CDK13: variants seen among roughly 807,000 people sequenced by gnomAD.
CDK13 encodes cyclin dependent kinase 13, also known as cyclin-dependent kinase 13.
CDK13 carries 40 observed loss-of-function variants against 137.6 expected under a neutral mutation model. The ratio of observed to expected loss-of-function variants is 0.29; its 90% CI spans 0.23 to 0.38. CDK13 has a LOEUF of 0.38. Among genes scored for constraint, CDK13 ranks in the 10% least tolerant of loss-of-function variants. CDK13 has a pLI of 1.00. For synonymous variants in CDK13, 869 were observed against 760.1 expected, an observed-to-expected ratio of 1.14 and a Z score of -2.36; for missense variants, 1,704 against 1,951.8, an observed-to-expected ratio of 0.87 and a Z score of 2.39.
intron 7 of CDK13, among the ~76,000 whole-genome samples, chr7:40,057,249 G>C (rs1197230167): frequency 1.3e-5 from 2 of 151,980 alleles, no homozygotes; most frequent in Admixed American, 1.3e-4. Flanking sequence ...GAGCAAAACT[G>C]TCTCAAAAGA....
At position 39,997,611 on chromosome 7, in the gene CDK13, G is replaced by C. The variant is rs1583966482; in HGVS notation, c.1989G>C (p.Lys663Asn). The C allele has an allele frequency of 9.9e-6, 16 of 1,613,472 alleles. No individual in the cohort carries two copies. Among genetic ancestry groups the C allele is most frequent in the Non-Finnish European group, 1.3e-5 (15 of 1,179,806 alleles). Reference protein sequence around the residue: ...PELPGGDDLSKSPEEKKTATQ... With the variant: ...PELPGGDDLSNSPEEKKTATQ... Reference sequence around the variant, plus strand: ...TACCAGGAGGAGATGATCTTTCAAAGAGTCCAGAGGAAAAGAAAACAGCAA... The same window carrying C: ...TACCAGGAGGAGATGATCTTTCAAACAGTCCAGAGGAAAAGAAAACAGCAA... The change falls in exon 3 of 14, where the codon AAG (lysine) becomes AAC (asparagine). Residue 663 changes from lysine (K) to asparagine (N), a missense_variant. Coordinates refer to ENST00000181839, the MANE Select transcript of CDK13 (RefSeq NM_003718.5).
chr7:40,034,004 T>C (rs976162868), intron 5 of CDK13, among the ~76,000 whole-genome samples: 1 of 152,214 alleles, frequency 6.6e-6, no homozygotes, highest in African/African-American at 2.4e-5. Flanking sequence ...AATTAATTTC[T>C]CTTGAAGTCA....
At chr7:40,014,747 T>C (rs1205419243) in intron 5 of CDK13, among the ~76,000 whole-genome samples, 1 of 152,118 alleles carries the variant, frequency 6.6e-6, no homozygotes, top group Non-Finnish European at 1.5e-5. Flanking sequence ...TGTGCCACTG[T>C]GTCCAGCCCA....
chr7:39,956,109 CAA>C (rs921820637), intron 1 of CDK13, among the ~76,000 whole-genome samples: 5 of 151,568 alleles, frequency 3.3e-5, no homozygotes, highest in African/African-American at 1.2e-4. Context: ...AAAAAAAACT[CAA>C]AAAATATGCC....
chr7:40,050,669 A>G (rs1466321383), intron 7 of CDK13, among the ~76,000 whole-genome samples: 1 of 152,230 alleles, frequency 6.6e-6, no homozygotes, highest in South Asian at 2.1e-4. Flanking sequence ...CTGGGATTAT[A>G]GGCATGAGCC....
chr7:39,962,574 T>G (rs919398877), intron 1 of CDK13, among the ~76,000 whole-genome samples: 1 of 152,180 alleles, frequency 6.6e-6, no homozygotes, highest in South Asian at 2.1e-4. Flanking sequence ...TTCTCCCATT[T>G]TGTAGGTTGC....
chr7:39,960,984 A>G (rs1787600348), intron 1 of CDK13, among the ~76,000 whole-genome samples: 2 of 152,208 alleles, frequency 1.3e-5, no homozygotes, highest in Non-Finnish European at 2.9e-5. Flanking sequence ...CACATCACAT[A>G]CCTATTTTGG....
At chr7:39,982,537 G>A (rs1347127605) in intron 1 of CDK13, among the ~76,000 whole-genome samples, 1 of 151,940 alleles carries the variant, frequency 6.6e-6, no homozygotes, top group Non-Finnish European at 1.5e-5. Context: ...ACCCAGTAAT[G>A]GGATGGCTGG....
intron 5 of CDK13, among the ~76,000 whole-genome samples, chr7:40,010,808 A>G (rs897909644): frequency 1.6e-4 from 25 of 152,204 alleles, no homozygotes; most frequent in Admixed American, 6.5e-4. Flanking sequence ...TGTTAGAACT[A>G]ATAAGTAAGT....
At chr7:40,013,585 G>A (rs1396860471) in intron 5 of CDK13, among the ~76,000 whole-genome samples, 4 of 152,138 alleles carry the variant, frequency 2.6e-5, no homozygotes, top group African/African-American at 7.2e-5. Flanking sequence ...AATATAGATT[G>A]GTGATTGCCA....
At chr7:40,074,149 A>G (rs550684133) in intron 9 of CDK13, among the ~76,000 whole-genome samples, 103 of 152,248 alleles carry the variant, frequency 6.8e-4, no homozygotes, top group Middle Eastern at 3.4e-3. Flanking sequence ...ATCCACCTGC[A>G]TCGGCCTTCC....
chr7:39,997,909 T>C, intron 3 of CDK13: 2 of 382,270 alleles, frequency 5.2e-6, no homozygotes, highest in African/African-American at 2.2e-5. Flanking sequence ...TGGGGTATTG[T>C]ATATGTTAAA....
At chr7:39,963,199 A>G (rs1052197444) in intron 1 of CDK13, among the ~76,000 whole-genome samples, 2 of 152,096 alleles carry the variant, frequency 1.3e-5, no homozygotes, top group Admixed American at 6.6e-5. Flanking sequence ...CATTGAATCT[A>G]TAAATTACCT....
chr7:39,982,108 G>A (rs1044258098), intron 1 of CDK13, among the ~76,000 whole-genome samples: 1 of 150,134 alleles, frequency 6.7e-6, no homozygotes, highest in Non-Finnish European at 1.5e-5. Context: ...CTGGTGTGCT[G>A]TACCCATTAA....
At chr7:40,027,087 T>C (rs1785258918) in intron 5 of CDK13, among the ~76,000 whole-genome samples, 1 of 152,204 alleles carries the variant, frequency 6.6e-6, no homozygotes, top group South Asian at 2.1e-4. Context: ...CTCATGCTTG[T>C]AATCCCAGCA....
Position 40,009,074 on chromosome 7 carries a change from A to G in CDK13, c.2353+7043A>G, listed in dbSNP as rs543073682. On this transcript the variant is annotated intron_variant, in intron 5 of 13. Transcript: ENST00000181839. ...TGATGATAAAATAAATATTTGTCAT[A>G]TATTTGAAAAACAAAGTGTAAAAGA... 8.5e-5 allele frequency among the ~76,000 whole-genome samples: 13 copies of G among 152,362 alleles called. No homozygotes were observed. The South Asian group carries it at 2.5e-3, about 29-fold the overall frequency.
At chr7:40,054,487 A>G (rs773054378) in intron 7 of CDK13, among the ~76,000 whole-genome samples, 2 of 151,896 alleles carry the variant, frequency 1.3e-5, no homozygotes, top group African/African-American at 2.4e-5. Flanking sequence ...CTGGAGTGCA[A>G]TGGCGCAGTC....
At chr7:39,985,521 C>G (rs185435843) in intron 1 of CDK13, 1 of 152,312 alleles carries the variant, frequency 6.6e-6, no homozygotes, top group Non-Finnish European at 1.5e-5. Context: ...TAAGATAGCT[C>G]TAGTTTTAGC....
intron 11 of CDK13, among the ~76,000 whole-genome samples, chr7:40,079,855 C>G (rs949036833): frequency 2.0e-5 from 3 of 152,154 alleles, no homozygotes; most frequent in African/African-American, 7.2e-5. Context: ...GCTGGCTTCT[C>G]TTGAACCTGT....
Sources: gnomAD v4.1 joint callset for allele counts (sites outside exome capture counted in the v4.1 genomes callset) on GRCh38, gnomAD v4.1.1 for gene constraint, MANE v1.5 for transcripts, NCBI Gene and HGNC (gene_info 2026-07-23, HGNC 2026-07-21) for gene names.